Variants in PRDM4 observed in about 807,000 individuals in gnomAD.
The protein encoded by PRDM4 is PR/SET domain 4.
PRDM4 carries 38 observed loss-of-function variants against 62.3 expected under a neutral mutation model. That is an observed-to-expected ratio of 0.61 (90% CI 0.47 to 0.80). The LOEUF (loss-of-function observed/expected upper bound fraction) is 0.80. Ranked by LOEUF, PRDM4 falls within the 30% of genes least tolerant of loss-of-function variation. The pLI, the probability that PRDM4 is intolerant of heterozygous loss-of-function variation, is 0.00. For missense variants in PRDM4, 858 were observed against 997.1 expected (o/e 0.86, Z 1.88); for synonymous variants, 339 against 348.2 (o/e 0.97, Z 0.30).
intron 7 of PRDM4, 98 bp from the exon 8 acceptor site, chr12:107,743,380 A>C (rs1250480459): frequency 1.5e-5 from 12 of 797,180 alleles, no homozygotes; most frequent in Admixed American, 4.0e-5. Flanking sequence ...ACTCATTTGC[A>C]GTAGGTCCCA....
In PRDM4 at chr12:107,748,954, G is replaced by A. The variant is rs191915961; in HGVS notation, c.1126+2461C>T. On this transcript the variant is annotated intron_variant, in intron 5 of 11. Transcript: ENST00000228437. The stretch of plus-strand genomic sequence containing the variant: ...TAGCCTTATATTCATTACATTCTTC[G>A]ATTAAAACATTTTAAAACTCTAAAT... 8.5e-5 allele frequency among the ~76,000 whole-genome samples: 13 copies of A among 152,078 alleles called. No homozygotes were observed. In the South Asian group the frequency reaches 1.5e-3, roughly 17 times the overall value.
intron 6 of PRDM4, among the ~76,000 whole-genome samples, chr12:107,745,045 G>GC (rs1158101720): frequency 6.6e-6 from 1 of 152,104 alleles, no homozygotes; most frequent in Admixed American, 6.5e-5. Context: ...GGGTGACAAA[G>GC]CGAGACTCTG....
chr12:107,754,032 C>T lies in PRDM4; in HGVS notation c.223G>A (p.Gly75Ser), dbSNP rs1436715219. The T allele has an allele frequency of 6.2e-7, 1 of 1,613,416 alleles. No homozygotes were observed. The highest frequency in any genetic ancestry group is 8.5e-7 in the Non-Finnish European group (1 of 1,179,392). The change falls in exon 4 of 12, where the codon GGT becomes AGT. Residue 75 changes from glycine to serine, a missense_variant. Gly to Ser is a moderately conservative substitution (Grantham distance 56, BLOSUM62 0). Coordinates refer to ENST00000228437, the MANE Select transcript of PRDM4 (RefSeq NM_012406.4). ...CACATCACCCCTCGATCCCCAATAC[C>T]CATTGGTAGCATTAAAGACAGAGCA... ...PSALSLMLPMGIGDRGVMCGL... is the reference protein window; with the variant it reads ...PSALSLMLPMSIGDRGVMCGL...
chr12:107,752,528 T>C (rs1235096739), intron 4 of PRDM4, among the ~76,000 whole-genome samples: 2 of 151,242 alleles, frequency 1.3e-5, no homozygotes, highest in Non-Finnish European at 3.0e-5. Flanking sequence ...CTCCTAATTA[T>C]TAAAAGGTAA....
At chr12:107,735,760 CTTT>C (rs200366774) in intron 11 of PRDM4, among the ~76,000 whole-genome samples, 10,313 of 143,444 alleles carry the variant, frequency 0.072, 425 homozygotes, top group African/African-American at 0.11. Context: ...AATTTTTTAG[CTTT>C]TTTTTTTTTT....
Position 107,760,573 on chromosome 12 carries a change from G to A in PRDM4, c.-58C>T, listed in dbSNP as rs1034143383. ...CTCGGGTGGTGGGGAACAGGCATCAGGGTTTGCGTTCCAGGGTCACGTGCT... is the reference window on the plus strand; with the variant it reads ...CTCGGGTGGTGGGGAACAGGCATCAAGGTTTGCGTTCCAGGGTCACGTGCT... On this transcript the variant is annotated 5_prime_UTR_variant, in exon 2 of 12. Coordinates refer to ENST00000228437, the MANE Select transcript of PRDM4 (RefSeq NM_012406.4). 3.1e-6 allele frequency: 5 copies of A among 1,605,202 alleles called. No individual in the cohort carries two copies. The highest frequency in any genetic ancestry group is 3.4e-6 in the Non-Finnish European group (4 of 1,175,068).
At chr12:107,753,078 A>C (rs1343740741) in intron 4 of PRDM4, among the ~76,000 whole-genome samples, 2 of 152,256 alleles carry the variant, frequency 1.3e-5, no homozygotes, top group Non-Finnish European at 1.5e-5. Context: ...TCGTATAGAA[A>C]GTATGGTCTT....
chr12:107,742,115 G>A, intron 9 of PRDM4, 106 bp downstream of exon 9: 2 of 1,222,166 alleles, frequency 1.6e-6, no homozygotes, highest in Non-Finnish European at 2.2e-6. Flanking sequence ...TACAAACAAA[G>A]GTATATGATT....
Position 107,742,286 on chromosome 12 carries a change from G to A in PRDM4, c.1544C>T (p.Ser515Leu). The change falls in exon 9 of 12, where the codon TCA (serine) becomes TTA (leucine). Residue 515 changes from serine (S) to leucine (L), a missense_variant. Physicochemically the swap from Ser to Leu is moderately radical, Grantham distance 145. Transcript: ENST00000228437. ...PHDGKIFFCT[S>L]QDIPPENELL... ...TTCATTTTCAGGAGGGATATCTTGT[G>A]AGGTGCAGAAAAAGATTTTTCCATC... 5.0e-6 allele frequency: 8 copies of A among 1,613,404 alleles called. No individual in the cohort carries two copies. The highest frequency in any genetic ancestry group is 6.8e-6 in the Non-Finnish European group (8 of 1,179,430).
chr12:107,739,696 ATG>A (rs1890451231), intron 10 of PRDM4, 145 bp from the exon 11 acceptor site: 1 of 697,798 alleles, frequency 1.4e-6, no homozygotes, highest in African/African-American at 1.8e-5. Context: ...AGGGTTGTCT[ATG>A]TGAGACCACT....
chr12:107,747,826 C>T (rs1416515983), intron 5 of PRDM4, among the ~76,000 whole-genome samples: 2 of 151,904 alleles, frequency 1.3e-5, no homozygotes, highest in African/African-American at 4.8e-5. Flanking sequence ...GACGGGGTCC[C>T]GATCTGTCAC....
At chr12:107,745,681 T>A (rs981866699) in intron 6 of PRDM4, among the ~76,000 whole-genome samples, 5 of 152,254 alleles carry the variant, frequency 3.3e-5, no homozygotes, top group African/African-American at 1.2e-4. Flanking sequence ...TCTTTTGTGC[T>A]TAAAGCACTG....
chr12:107,747,827 G>T (rs987759212), intron 5 of PRDM4, among the ~76,000 whole-genome samples: 1 of 151,576 alleles, frequency 6.6e-6, no homozygotes, highest in Admixed American at 6.6e-5. Flanking sequence ...ACGGGGTCCC[G>T]ATCTGTCACC....
chr12:107,738,815 T>C (rs189300183), intron 11 of PRDM4, among the ~76,000 whole-genome samples: 26 of 151,934 alleles, frequency 1.7e-4, no homozygotes, highest in African/African-American at 5.3e-4. Flanking sequence ...ACTAACACTA[T>C]TGAACTGGGC....
chr12:107,741,342 T>G, intron 9 of PRDM4, 82 bp from the exon 10 acceptor site: 2 of 1,256,934 alleles, frequency 1.6e-6, no homozygotes, highest in South Asian at 3.0e-5. Context: ...TTGCTTCCAG[T>G]TCTCCTTTCT....
intron 2 of PRDM4, among the ~76,000 whole-genome samples, chr12:107,757,456 G>A (rs1416926976): frequency 6.6e-6 from 1 of 152,062 alleles, no homozygotes; most frequent in Admixed American, 6.6e-5. Context: ...GAAAAGCATC[G>A]TATTTTCCCC....
chr12:107,741,095 C>A lies in PRDM4; in HGVS notation c.1775G>T (p.Cys592Phe). The change falls in exon 10 of 12, where the codon TGC (cysteine) becomes TTC (phenylalanine). Residue 592 changes from cysteine to phenylalanine, a missense_variant. This residue lies in a region of PRDM4 where 355 missense variants were observed against 432.6 expected (regional missense o/e 0.82). Coordinates refer to ENST00000228437, the MANE Select transcript of PRDM4 (RefSeq NM_012406.4). ...PSHSKERKWK[C>F]SMCPQAFISP... ...GATAAAAGCTTGGGGGCACATTGAG[C>A]ACTTCCACTTCCTTTCTTTGCTGTG... 1 of 1,614,140 alleles carries A rather than the reference C, an allele frequency of 6.2e-7. No homozygotes were observed. Among genetic ancestry groups the A allele is most frequent in the Non-Finnish European group, 8.5e-7 (1 of 1,180,024 alleles).
chr12:107,746,716 C>G (rs1890720663), intron 5 of PRDM4, among the ~76,000 whole-genome samples: 1 of 151,932 alleles, frequency 6.6e-6, no homozygotes, highest in African/African-American at 2.4e-5. Flanking sequence ...AACTCCTGAC[C>G]TCAGATGATG....
At chr12:107,755,040 T>C (rs1891018855) in intron 3 of PRDM4, among the ~76,000 whole-genome samples, 1 of 152,206 alleles carries the variant, frequency 6.6e-6, no homozygotes, top group Non-Finnish European at 1.5e-5. Flanking sequence ...TCATAATAAA[T>C]ACCCACCAAC....
Sources: allele counts gnomAD v4.1 joint callset (sites outside exome capture counted in the v4.1 genomes callset), GRCh38; gene constraint gnomAD v4.1.1; regional missense constraint gnomAD v4.1.1; transcripts MANE v1.5; gene names NCBI Gene and HGNC (gene_info 2026-07-23, HGNC 2026-07-21).